Variants in TSG101 observed in about 807,000 individuals in gnomAD.
TSG101 encodes tumor susceptibility gene 101 protein.
In TSG101, 19 loss-of-function variants were observed where a neutral mutation model predicts 48.5. That is an observed-to-expected ratio of 0.39 (90% CI 0.27 to 0.58). TSG101 has a LOEUF of 0.58. Among genes scored for constraint, TSG101 ranks in the 20% least tolerant of loss-of-function variants. The pLI is 0.55. For synonymous variants in TSG101, 174 were observed against 169.4 expected (o/e 1.03, Z -0.21); for missense variants, 365 against 484.4 (o/e 0.75, Z 2.31).
intron 6 of TSG101, among the ~76,000 whole-genome samples, chr11:18,502,876 C>T (rs1327864432): frequency 6.6e-6 from 1 of 152,182 alleles, no homozygotes; most frequent in African/African-American, 2.4e-5. Flanking sequence ...GCATCAGAAG[C>T]AACAAGTAAT....
chr11:18,502,357 T>C (rs1198059659), intron 7 of TSG101, 129 bp downstream of exon 7: 1 of 590,414 alleles, frequency 1.7e-6, no homozygotes, highest in Non-Finnish European at 2.9e-6. Flanking sequence ...TTTAAGATTA[T>C]AGTACATTAT....
Position 18,519,571 on chromosome 11 carries a change from A to C in TSG101, c.75T>G (p.Thr25=). The change falls in exon 2 of 10, where the codon ACT becomes ACG. Residue 25 remains threonine, a synonymous_variant. Coordinates refer to ENST00000251968, the MANE Select transcript of TSG101 (RefSeq NM_006292.4). ...CTTTGTATAGAGTAATAACATTGAC[A>C]GTTTCACGTACAGTTAGGTCTCTGT... ...YKYRDLTVRE[T]VNVITLYKDL... 1 of 1,613,150 alleles carries C rather than the reference A, an allele frequency of 6.2e-7. No homozygotes were observed. Among genetic ancestry groups the C allele is most frequent in the Non-Finnish European group, 8.5e-7 (1 of 1,179,708 alleles).
At chr11:18,516,310 A>T in intron 2 of TSG101, 146 bp from the exon 3 acceptor site, 1 of 626,618 alleles carries the variant, frequency 1.6e-6, no homozygotes, top group Non-Finnish European at 2.7e-6. Context: ...CCAATAACTA[A>T]CAATTCTTTG....
Position 18,519,047 on chromosome 11 carries a change from C to T in TSG101, c.127+472G>A, listed in dbSNP as rs186633313. The stretch of plus-strand genomic sequence containing the variant: ...ACAGGTTCTTGCTCTGTTGCCCAGG[C>T]TGGAGTGCAGTGGCCCGATCTCGGC... On this transcript the variant is annotated intron_variant, in intron 2 of 9. Transcript: ENST00000251968. 2.2e-4 allele frequency among the ~76,000 whole-genome samples: 33 copies of T among 152,262 alleles called. 2 individuals are homozygous for T. Among genetic ancestry groups the T allele is most frequent in the African/African-American group, 7.9e-4 (33 of 41,550 alleles).
chr11:18,509,411 T>C, intron 5 of TSG101, 131 bp downstream of exon 5: 1 of 1,282,140 alleles, frequency 7.8e-7, no homozygotes, highest in Non-Finnish European at 1.0e-6. Context: ...GGCCTCAGAA[T>C]ACTTCCAAAA....
Position 18,481,693 on chromosome 11 carries a change from G to A in TSG101, c.1020C>T (p.Asp340=), listed in dbSNP as rs761098088. ...NLYAEENAIE[D]TIFYLGEALR... ...AGGCTTCTCCCAAGTAAAAGATAGTGTCTTCAATAGCGTTTTCTTCTGCAT... is the reference window on the plus strand; with the variant it reads ...AGGCTTCTCCCAAGTAAAAGATAGTATCTTCAATAGCGTTTTCTTCTGCAT... The change falls in exon 9 of 10, where the codon GAC becomes GAT. Residue 340 remains aspartate (D), a synonymous_variant. Transcript: ENST00000251968. The A allele has an allele frequency of 3.1e-6, 5 of 1,614,162 alleles. 1 individual carries two copies. In the East Asian group the frequency reaches 1.1e-4, roughly 36 times the overall value.
intron 9 of TSG101, chr11:18,481,303 A>G (rs531157089): frequency 6.8e-4 from 667 of 985,448 alleles, no homozygotes; most frequent in Non-Finnish European, 7.0e-4. Flanking sequence ...AGTGATCTCA[A>G]TTTAGGTGGT....
intron 1 of TSG101, chr11:18,525,736 G>C: frequency 1.0e-6 from 1 of 955,762 alleles, no homozygotes; most frequent in Non-Finnish European, 1.2e-6. Context: ...ACAAAACCAA[G>C]AAGCCTAAAA....
chr11:18,524,911 CTTTT>C (rs35642875), intron 1 of TSG101, among the ~76,000 whole-genome samples: 6 of 137,124 alleles, frequency 4.4e-5, no homozygotes, highest in African/African-American at 1.4e-4. Flanking sequence ...AGGAATAAAT[CTTTT>C]TTTTTTTTTT....
chr11:18,526,277 G>A (rs574733330), intron 1 of TSG101, among the ~76,000 whole-genome samples: 2 of 152,162 alleles, frequency 1.3e-5, no homozygotes, highest in South Asian at 4.1e-4. Flanking sequence ...ATTTCACCTG[G>A]GGCAGTAAGG....
chr11:18,481,935 C>T, intron 8 of TSG101, 66 bp from the exon 9 acceptor site: 4 of 1,574,002 alleles, frequency 2.5e-6, no homozygotes, highest in Non-Finnish European at 3.4e-6. Flanking sequence ...ACACCTACAA[C>T]ACTTCACAGG....
chr11:18,483,482 T>G (rs1849574718), intron 8 of TSG101, among the ~76,000 whole-genome samples: 3 of 108,850 alleles, frequency 2.8e-5, no homozygotes, highest in East Asian at 2.6e-4. Context: ...AGCGCAAGAG[T>G]GAAACTCTCA....
At chr11:18,500,167 T>A (rs1394613913) in intron 7 of TSG101, among the ~76,000 whole-genome samples, 1 of 152,240 alleles carries the variant, frequency 6.6e-6, no homozygotes, top group East Asian at 1.9e-4. Flanking sequence ...TTCATTCTTT[T>A]TATGGCTGAA....
At position 18,524,911 on chromosome 11, in the gene TSG101, CTTTTT is replaced by C. The variant is rs35642875; in HGVS notation, c.42+1859_42+1863del. 5.1e-5 allele frequency among the ~76,000 whole-genome samples: 7 copies of C among 137,142 alleles called. No individual in the cohort carries two copies. In the South Asian group the frequency reaches 1.4e-3, roughly 27 times the overall value. 90.0% of individuals were successfully genotyped at this position (137,142 alleles called of 152,430 possible). ...AATATACATACATTAAGGAATAAAT[CTTTTT>C]TTTTTTTTTTTTGAGATGGAGTCTT... On this transcript the variant is annotated intron_variant, in intron 1 of 9. Transcript: ENST00000251968.
At chr11:18,505,651 TG>T (rs1449419606) in intron 6 of TSG101, among the ~76,000 whole-genome samples, 1 of 152,228 alleles carries the variant, frequency 6.6e-6, no homozygotes, top group Non-Finnish European at 1.5e-5. Context: ...GTTAACAGAC[TG>T]ATTTCATTGT....
At chr11:18,483,794 T>C in intron 8 of TSG101, 76 bp downstream of exon 8, 1 of 1,503,020 alleles carries the variant, frequency 6.7e-7, no homozygotes, top group South Asian at 1.1e-5. Context: ...GCCCACAACA[T>C]CCAGGGAACA....
intron 4 of TSG101, among the ~76,000 whole-genome samples, chr11:18,512,576 G>A (rs552691998): frequency 1.5e-4 from 23 of 151,964 alleles, no homozygotes; most frequent in African/African-American, 5.3e-4. Flanking sequence ...CTCTTTCTTG[G>A]TGTACTTGAT....
chr11:18,520,658 G>C (rs904761022), intron 1 of TSG101, among the ~76,000 whole-genome samples: 2 of 152,212 alleles, frequency 1.3e-5, no homozygotes, highest in Non-Finnish European at 2.9e-5. Context: ...AGTTTGGAAT[G>C]TGTTAATTGT....
chr11:18,518,286 T>C (rs1383541942), intron 2 of TSG101, among the ~76,000 whole-genome samples: 1 of 152,190 alleles, frequency 6.6e-6, no homozygotes, highest in Non-Finnish European at 1.5e-5. Context: ...TGCCCCTCTG[T>C]TGCTTCCCAC....
Sources: gnomAD v4.1 joint callset for allele counts (sites outside exome capture counted in the v4.1 genomes callset) on GRCh38, gnomAD v4.1.1 for gene constraint, MANE v1.5 for transcripts, NCBI Gene and HGNC (gene_info 2026-07-23, HGNC 2026-07-21) for gene names.